Variants in ATP2C2 observed in about 807,000 individuals in gnomAD.
The protein encoded by ATP2C2 is ATPase secretory pathway Ca2+ transporting 2, also known as calcium-transporting ATPase type 2C member 2.
In ATP2C2, 171 loss-of-function variants were observed where a neutral mutation model predicts 110.8. The observed-to-expected ratio is 1.54, with a 90% CI of 1.36 to 1.75. The LOEUF (loss-of-function observed/expected upper bound fraction) is 1.75. Among genes scored for constraint, ATP2C2 ranks in the 40% most tolerant of loss-of-function variants. The pLI is 0.00. For missense variants in ATP2C2, 1,963 were observed against 1,235.0 expected, an observed-to-expected ratio of 1.59 and a Z score of -8.84; for synonymous variants, 804 against 508.4, an observed-to-expected ratio of 1.58 and a Z score of -7.82.
intron 1 of ATP2C2, among the ~76,000 whole-genome samples, chr16:84,381,135 A>C (rs13330994): frequency 0.58 from 87,509 of 152,054 alleles, 25,301 homozygotes; most frequent in Middle Eastern, 0.64. Context: ...ATCATTAGTT[A>C]TTATAGGTTT....
rs951880510 is a variant in ATP2C2 at position 84,448,835 on chromosome 16, C to A, written c.1660+146C>A. ...TGACGGCAATAATGTGTGCTTGGAACCTGATGGTCACATGAAAGGCACAGA... is the reference window on the plus strand; with the variant it reads ...TGACGGCAATAATGTGTGCTTGGAAACTGATGGTCACATGAAAGGCACAGA... On this transcript the variant is annotated intron_variant, in intron 17 of 26. Transcript: ENST00000262429. 1.4e-5 allele frequency: 16 copies of A among 1,130,208 alleles called. No individual in the cohort carries two copies. In the African/African-American group the frequency reaches 2.0e-4, roughly 14 times the overall value. The allele number at this position is 1,130,208 out of a possible 1,614,324, so 70.0% of individuals were successfully genotyped here. A position where few individuals can be genotyped will look rare whatever the true frequency, so the allele number is the denominator to read the frequency against.
At chr16:84,403,707 T>C (rs1325941447) in intron 2 of ATP2C2, among the ~76,000 whole-genome samples, 1 of 151,980 alleles carries the variant, frequency 6.6e-6, no homozygotes, top group Non-Finnish European at 1.5e-5. Flanking sequence ...TTTTTTTTCT[T>C]GAGATGGAGT....
chr16:84,397,568 G>A (rs1866053656), intron 1 of ATP2C2, among the ~76,000 whole-genome samples: 1 of 147,604 alleles, frequency 6.8e-6, no homozygotes. Context: ...CTGCTATTCA[G>A]GAGGCTGAAG....
At chr16:84,369,450 G>C (rs538147324) in intron 1 of ATP2C2, among the ~76,000 whole-genome samples, 1 of 152,148 alleles carries the variant, frequency 6.6e-6, no homozygotes, top group East Asian at 1.9e-4. Context: ...TTAAGGTCAG[G>C]GGGGCACTGA....
chr16:84,419,073 G>T (rs1907088034), intron 7 of ATP2C2, among the ~76,000 whole-genome samples: 1 of 151,894 alleles, frequency 6.6e-6, no homozygotes, highest in Non-Finnish European at 1.5e-5. Context: ...GCCAGGCGTG[G>T]TGGCGTGCAC....
At chr16:84,425,713 G>T (rs763197147) in intron 10 of ATP2C2, 22 bp from the exon 11 acceptor site, 2 of 1,612,324 alleles carry the variant, frequency 1.2e-6, no homozygotes, top group Non-Finnish European at 1.7e-6. Flanking sequence ...TGGAGATAAG[G>T]ATGTTTTTGT....
At position 84,460,684 on chromosome 16, in the gene ATP2C2, C is replaced by G; in HGVS notation, c.2364C>G (p.Ala788=). 6.2e-7 allele frequency: 1 copy of G among 1,614,216 alleles called. No individual in the cohort carries two copies. The highest frequency in any genetic ancestry group is 8.5e-7 in the Non-Finnish European group (1 of 1,180,046). Residue 788 remains alanine, a synonymous_variant, in exon 24 of 27, where the codon GCC becomes GCG. Transcript: ENST00000262429. Reference sequence around the variant, plus strand: ...GGGTAGAGCCCGTTGACAAAGACGCCTTCAGGCAGCCACCACGGAGTGTGC... The same window carrying G: ...GGGTAGAGCCCGTTGACAAAGACGCGTTCAGGCAGCCACCACGGAGTGTGC... ...SLGVEPVDKD[A]FRQPPRSVRD...
intron 11 of ATP2C2, among the ~76,000 whole-genome samples, chr16:84,438,545 C>T (rs1274416451): frequency 2.0e-5 from 3 of 152,184 alleles, no homozygotes; most frequent in Non-Finnish European, 2.9e-5. Flanking sequence ...ACGCTCTCCT[C>T]GAATCCAGCC....
At chr16:84,416,506 G>T (rs1054361053) in intron 7 of ATP2C2, among the ~76,000 whole-genome samples, 1 of 152,206 alleles carries the variant, frequency 6.6e-6, no homozygotes, top group African/African-American at 2.4e-5. Context: ...GGATGGAGAA[G>T]AGCACAAAGG....
chr16:84,460,581 G>C (rs1263614532), intron 23 of ATP2C2, 73 bp from the exon 24 acceptor site: 2 of 1,607,236 alleles, frequency 1.2e-6, no homozygotes, highest in South Asian at 1.1e-5. Flanking sequence ...GGGAGGCTCA[G>C]GCACAGCTGT....
At chr16:84,436,685 G>A (rs1050061826) in intron 11 of ATP2C2, among the ~76,000 whole-genome samples, 1 of 151,874 alleles carries the variant, frequency 6.6e-6, no homozygotes, top group Admixed American at 6.6e-5. Flanking sequence ...TCGGGTGGAG[G>A]TTTGGTGGGG....
chr16:84,399,999 C>G (rs553437707), intron 2 of ATP2C2, among the ~76,000 whole-genome samples: 1 of 151,642 alleles, frequency 6.6e-6, no homozygotes. Flanking sequence ...TCAGCGAGAA[C>G]CTGCAAAGTT....
At chr16:84,391,654 G>A (rs186407804) in intron 1 of ATP2C2, among the ~76,000 whole-genome samples, 1 of 152,332 alleles carries the variant, frequency 6.6e-6, no homozygotes, top group East Asian at 1.9e-4. Flanking sequence ...CCAGAAACTG[G>A]GAGAGGAAGA....
At chr16:84,378,740 C>T (rs1425961041) in intron 1 of ATP2C2, among the ~76,000 whole-genome samples, 12 of 152,304 alleles carry the variant, frequency 7.9e-5, no homozygotes, top group South Asian at 2.1e-4. Flanking sequence ...CACTGCAAAA[C>T]GGCCCCCTCC....
chr16:84,442,464 C>T, intron 14 of ATP2C2, 46 bp from the exon 15 acceptor site: 8 of 1,585,644 alleles, frequency 5.0e-6, no homozygotes, highest in Non-Finnish European at 6.9e-6. Context: ...CTAACTTTTT[C>T]ATGAGCCCAG....
intron 2 of ATP2C2, among the ~76,000 whole-genome samples, chr16:84,400,313 G>C (rs1489453927): frequency 6.8e-6 from 1 of 147,776 alleles, no homozygotes; most frequent in Non-Finnish European, 1.5e-5. Flanking sequence ...TATAATAGTT[G>C]TATTTTTAGT....
intron 23 of ATP2C2, chr16:84,460,312 G>A (rs1911163422): frequency 5.4e-6 from 2 of 370,174 alleles, no homozygotes; most frequent in Non-Finnish European, 1.0e-5. Flanking sequence ...TCTGCGGAGG[G>A]CGGAGCCTGG....
chr16:84,383,775 T>TG (rs1910728506), intron 1 of ATP2C2, among the ~76,000 whole-genome samples: 1 of 92,566 alleles, frequency 1.1e-5, no homozygotes, highest in Non-Finnish European at 2.8e-5. Flanking sequence ...GGTGGGGGTG[T>TG]TGGTTTTGTT....
chr16:84,439,512 G>T lies in ATP2C2; in HGVS notation c.1197G>T (p.Gly399=). ...MTVTQLVTSD[G]LRAEVSGVGY... ...TGACCCAGCTTGTAACGTCAGATGG[G>T]CTTCGTGCCGAGGTGAGTGCCAAAG... Residue 399 remains glycine, a synonymous_variant, in exon 13 of 27, where the codon GGG becomes GGT. Transcript: ENST00000262429. The T allele has an allele frequency of 6.2e-7, 1 of 1,614,162 alleles. No individual in the cohort carries two copies. Among genetic ancestry groups the T allele is most frequent in the Non-Finnish European group, 8.5e-7 (1 of 1,180,016 alleles).
Sources: gnomAD v4.1 joint callset for allele counts (sites outside exome capture counted in the v4.1 genomes callset) on GRCh38, gnomAD v4.1.1 for gene constraint, MANE v1.5 for transcripts, NCBI Gene and HGNC (gene_info 2026-07-23, HGNC 2026-07-21) for gene names.